Variants in MTA2 observed in about 807,000 individuals in gnomAD.
MTA2 encodes metastasis-associated protein MTA2.
A neutral mutation model predicts 87.1 loss-of-function variants in MTA2; 22 were observed. That is an observed-to-expected ratio of 0.25 (90% CI 0.18 to 0.36). The LOEUF (loss-of-function observed/expected upper bound fraction) is 0.36. MTA2 is among the 10% of genes least tolerant of loss of function. MTA2 has a pLI of 1.00. For missense variants in MTA2, 542 were observed against 853.2 expected (o/e 0.64, Z 4.54); for synonymous variants, 314 against 310.1 (o/e 1.01, Z -0.13).
intron 8 of MTA2, 73 bp downstream of exon 8, chr11:62,597,243 C>A: frequency 9.8e-7 from 1 of 1,017,372 alleles, no homozygotes; most frequent in South Asian, 1.4e-5. Context: ...GAGATACCCT[C>A]CTCTTCTGTT....
chr11:62,600,513 G>T, intron 2 of MTA2, 109 bp downstream of exon 2: 1 of 1,049,240 alleles, frequency 9.5e-7, no homozygotes, highest in Non-Finnish European at 1.4e-6. Flanking sequence ...ATGAATGAAT[G>T]AACGAATATG....
rs1942057959 is a variant in MTA2 at position 62,593,851 on chromosome 11, C to A, written c.*24G>T. The stretch of plus-strand genomic sequence containing the variant: ...TGGGCATCCACCCTCTACCTCTCAG[C>A]CCACCTCCCTTCCCCACAGGTGCTC... On this transcript the variant is annotated 3_prime_UTR_variant, in exon 18 of 18. Coordinates refer to ENST00000278823, the MANE Select transcript of MTA2 (RefSeq NM_004739.4). 1 of 1,613,800 alleles carries A rather than the reference C, an allele frequency of 6.2e-7. No homozygotes were observed. The highest frequency in any genetic ancestry group is 1.1e-5 in the South Asian group (1 of 91,062).
intron 6 of MTA2, 73 bp from the exon 7 acceptor site, chr11:62,597,785 GC>G: frequency 8.3e-7 from 1 of 1,206,278 alleles, no homozygotes; most frequent in Admixed American, 1.9e-5. Context: ...ATTCACAATA[GC>G]ACCTCCTCCT....
In MTA2 at chr11:62,595,134, G is replaced by C; in HGVS notation, c.1484-64C>G. ...ATTCAGGTCTCCTCTAAGGCCAGAA[G>C]CCAACTCTAATCTTAAAAAAATTAT... On this transcript the variant is annotated intron_variant, in intron 14 of 17. Transcript: ENST00000278823. This position sits in a 1 kb window ranked among gnomAD's most constrained non-coding sequence, Gnocchi z 4.9. The C allele has an allele frequency of 6.4e-7, 1 of 1,566,108 alleles. No individual in the cohort carries two copies. Among genetic ancestry groups the C allele is most frequent in the Non-Finnish European group, 8.7e-7 (1 of 1,143,700 alleles).
intron 4 of MTA2, 55 bp from the exon 5 acceptor site, chr11:62,598,445 A>C: frequency 2.5e-6 from 4 of 1,606,738 alleles, no homozygotes; most frequent in Admixed American, 1.7e-5. Flanking sequence ...TCCCCACAGC[A>C]TCTCTCAATA....
Position 62,601,484 on chromosome 11 carries a change from G to C in MTA2, c.-34C>G. 1 of 1,603,524 alleles carries C rather than the reference G, an allele frequency of 6.2e-7. No individual in the cohort carries two copies. The highest frequency in any genetic ancestry group is 8.5e-7 in the Non-Finnish European group (1 of 1,176,168). ...CCGCCGCCGCCTCCGGCCGCACAAA[G>C]GGGTCCGGGAGGCTCGCGGGGGCAG... On this transcript the variant is annotated 5_prime_UTR_variant, in exon 1 of 18. Transcript: ENST00000278823.
chr11:62,597,972 C>T (rs1942122111), intron 6 of MTA2, 52 bp downstream of exon 6: 2 of 1,476,870 alleles, frequency 1.4e-6, no homozygotes, highest in Non-Finnish European at 1.9e-6. Flanking sequence ...TGTTAAAGTG[C>T]CCCTTGGAAT....
chr11:62,595,354 CAAG>C lies in MTA2; in HGVS notation c.1390_1392del (p.Leu464del). 6.2e-7 allele frequency: 1 copy of C among 1,614,224 alleles called. No individual in the cohort carries two copies. Among genetic ancestry groups the C allele is most frequent in the Non-Finnish European group, 8.5e-7 (1 of 1,180,042 alleles). ...AATAGGTCCCTGCACATGCGTCTGGCAAGACGGGTCAGCTTTGTGGTCTGAAGC... is the reference window on the plus strand; with the variant it reads ...AATAGGTCCCTGCACATGCGTCTGGCACGGGTCAGCTTTGTGGTCTGAAGC... On this transcript the variant is annotated inframe_deletion, in exon 14 of 18. Coordinates refer to ENST00000278823, the MANE Select transcript of MTA2 (RefSeq NM_004739.4). This position sits in a 1 kb window ranked among gnomAD's most constrained non-coding sequence, Gnocchi z 4.9.
At chr11:62,598,000 G>A (rs1301068079) in intron 6 of MTA2, 24 bp downstream of exon 6, 9 of 1,579,704 alleles carry the variant, frequency 5.7e-6, no homozygotes, top group African/African-American at 2.7e-5. Context: ...CCTGGTAGCC[G>A]TACAGTCTTG....
Position 62,595,471 on chromosome 11 carries a change from A to C in MTA2, c.1276T>G (p.Leu426Val). 6.2e-7 allele frequency: 1 copy of C among 1,614,192 alleles called. No individual in the cohort carries two copies. Among genetic ancestry groups the C allele is most frequent in the African/African-American group, 1.3e-5 (1 of 75,030 alleles). Residue 426 changes from leucine (L) to valine (V), a missense_variant, in exon 14 of 18, where the codon TTA becomes GTA. This residue lies in a region of MTA2 where 269 missense variants were observed against 346.4 expected (regional missense o/e 0.78). Coordinates refer to ENST00000278823, the MANE Select transcript of MTA2 (RefSeq NM_004739.4). The surrounding 1 kb of genome is among the most constrained non-coding windows in gnomAD (Gnocchi z 4.9). ...AGACTTTGAGCTTCAGGTCTGGATAAATGACCCCTTGAGTGTGGCTCCTAG... is the reference window on the plus strand; with the variant it reads ...AGACTTTGAGCTTCAGGTCTGGATACATGACCCCTTGAGTGTGGCTCCTAG... ...GTTEPHSRGH[L>V]SRPEAQSLSP...
At chr11:62,598,734 G>C (rs893758739) in intron 3 of MTA2, 95 bp from the exon 4 acceptor site, 1 of 1,188,544 alleles carries the variant, frequency 8.4e-7, no homozygotes. Flanking sequence ...TCCTATCTTG[G>C]CTGTTTTTTT....
rs1942047210 is a variant in MTA2 at position 62,593,258 on chromosome 11, G to A, written c.*617C>T. 1 of 151,986 alleles carries A rather than the reference G, an allele frequency of 6.6e-6. No individual in the cohort carries two copies. 9.4% of individuals were successfully genotyped at this position (151,986 alleles called of 1,614,324 possible). A position where few individuals can be genotyped will look rare whatever the true frequency, so the allele number is the denominator to read the frequency against. On this transcript the variant is annotated 3_prime_UTR_variant, in exon 18 of 18. Transcript: ENST00000278823. The stretch of plus-strand genomic sequence containing the variant: ...TTTGTTACTATAAGAACCAATTACA[G>A]AATCCGAGGTTAAAAAAACGGACAA...
At chr11:62,601,009 C>G (rs924049533) in intron 1 of MTA2, 2 of 493,750 alleles carry the variant, frequency 4.1e-6, no homozygotes, top group African/African-American at 2.0e-5. Context: ...TCCGCTCTAG[C>G]GCAGGGCCCC....
chr11:62,600,781 A>G (rs1942175604), intron 1 of MTA2, 92 bp from the exon 2 acceptor site: 2 of 1,092,884 alleles, frequency 1.8e-6, no homozygotes, highest in Non-Finnish European at 2.7e-6. Context: ...GCCTGAGTGG[A>G]TCAAAAGGAG....
intron 8 of MTA2, among the ~76,000 whole-genome samples, chr11:62,597,049 C>T (rs1452385943): frequency 2.0e-5 from 3 of 152,114 alleles, no homozygotes; most frequent in East Asian, 1.9e-4. Context: ...ATTAGCCAGG[C>T]GTGGTGGCGG....
chr11:62,597,752 G>C (rs954704654), intron 6 of MTA2, 40 bp from the exon 7 acceptor site: 4 of 1,545,908 alleles, frequency 2.6e-6, no homozygotes, highest in East Asian at 2.2e-5. Context: ...GAGAGGGCAG[G>C]GGGGAACAGT....
chr11:62,600,022 C>A, intron 3 of MTA2, 144 bp downstream of exon 3: 1 of 666,710 alleles, frequency 1.5e-6, no homozygotes. Context: ...CATGTAAAAA[C>A]AGGCCTCCCT....
intron 15 of MTA2, 114 bp from the exon 16 acceptor site, chr11:62,594,748 TG>T: frequency 2.0e-6 from 2 of 1,009,096 alleles, no homozygotes; most frequent in South Asian, 3.0e-5. Context: ...AAAGTAGCAA[TG>T]GGGGAATGTT....
chr11:62,596,576 C>T (rs1297370034), intron 9 of MTA2, 44 bp from the exon 10 acceptor site: 1 of 1,612,838 alleles, frequency 6.2e-7, no homozygotes, highest in Non-Finnish European at 8.5e-7. Context: ...CATCTGGCCC[C>T]AGGTCCTGGT....
Sources: gnomAD v4.1 joint callset for allele counts (sites outside exome capture counted in the v4.1 genomes callset) on GRCh38, gnomAD v4.1.1 for gene constraint, gnomAD v4.1.1 regional missense constraint, Gnocchi (gnomAD v3.1) non-coding constraint, MANE v1.5 for transcripts, NCBI Gene and HGNC (gene_info 2026-07-23, HGNC 2026-07-21) for gene names.